CSMD3: variants seen among roughly 807,000 people sequenced by gnomAD.
CSMD3 encodes the protein CUB and Sushi multiple domains 3, also known as CUB and sushi domain-containing protein 3.
CSMD3 carries 177 observed loss-of-function variants against 435.2 expected under a neutral mutation model. The ratio of observed to expected loss-of-function variants is 0.41; its 90% CI spans 0.36 to 0.46. The LOEUF is 0.46. CSMD3 is among the 20% of genes least tolerant of loss of function. CSMD3 has a pLI of 0.34. For synonymous variants in CSMD3, 1,656 were observed against 1,520.5 expected (o/e 1.09, Z -2.07); for missense variants, 4,265 against 4,504.6 (o/e 0.95, Z 1.52).
chr8:112,488,560 C>T (rs1165614666), intron 31 of CSMD3, among the ~76,000 whole-genome samples: 2 of 152,184 alleles, frequency 1.3e-5, no homozygotes. Context: ...AAAGCAATGC[C>T]TACCAGTCAG....
chr8:113,322,867 T>G (rs759865919), intron 1 of CSMD3, among the ~76,000 whole-genome samples: 1 of 152,106 alleles, frequency 6.6e-6, no homozygotes, highest in Non-Finnish European at 1.5e-5. Flanking sequence ...TGTCTCAGCC[T>G]CCTGAGTAGC....
At chr8:113,294,556 T>C (rs143952685) in intron 2 of CSMD3, among the ~76,000 whole-genome samples, 25 of 152,274 alleles carry the variant, frequency 1.6e-4, no homozygotes, top group African/African-American at 5.8e-4. Flanking sequence ...TTTTAATGAG[T>C]GTATCCAAAT....
intron 4 of CSMD3, among the ~76,000 whole-genome samples, chr8:113,118,160 C>T (rs72685845): frequency 0.096 from 14,659 of 152,194 alleles, 911 homozygotes; most frequent in Middle Eastern, 0.17. Context: ...TACAATATCC[C>T]ATTATGTAAT....
intron 59 of CSMD3, among the ~76,000 whole-genome samples, chr8:112,279,230 A>G (rs2130559170): frequency 6.6e-6 from 1 of 152,318 alleles, no homozygotes; most frequent in Non-Finnish European, 1.5e-5. Flanking sequence ...GATATGTAGT[A>G]CTTGAAAAAT....
chr8:112,293,059 G>A (rs1819930720), intron 54 of CSMD3, among the ~76,000 whole-genome samples: 1 of 151,896 alleles, frequency 6.6e-6, no homozygotes, highest in African/African-American at 2.4e-5. Context: ...AGAAATCTGG[G>A]GAATAATTAA....
intron 13 of CSMD3, among the ~76,000 whole-genome samples, chr8:112,711,330 T>C (rs937867177): frequency 6.6e-6 from 1 of 151,964 alleles, no homozygotes; most frequent in Non-Finnish European, 1.5e-5. Flanking sequence ...GAGGCACCAT[T>C]AAACAAGCGC....
chr8:112,720,336 C>T (rs1198975030), intron 13 of CSMD3, among the ~76,000 whole-genome samples: 5 of 149,484 alleles, frequency 3.3e-5, no homozygotes, highest in African/African-American at 7.4e-5. Context: ...TTTTTTTTTC[C>T]CCTGCTTTCA....
chr8:113,316,298 CTA>C (rs904651012), intron 1 of CSMD3, among the ~76,000 whole-genome samples: 1 of 151,956 alleles, frequency 6.6e-6, no homozygotes, highest in African/African-American at 2.4e-5. Flanking sequence ...CCAAAAGCAT[CTA>C]TGTTTGGAAC....
chr8:113,215,049 A>G (rs368821549), intron 3 of CSMD3, among the ~76,000 whole-genome samples: 4 of 152,032 alleles, frequency 2.6e-5, no homozygotes, highest in African/African-American at 9.6e-5. Context: ...ATGCTATCGT[A>G]TACAGAGCCA....
At chr8:112,504,861 A>G (rs1822342732) in intron 29 of CSMD3, among the ~76,000 whole-genome samples, 1 of 152,162 alleles carries the variant, frequency 6.6e-6, no homozygotes, top group Non-Finnish European at 1.5e-5. Flanking sequence ...GGATAGATTC[A>G]TTTAGGTCAG....
chr8:112,430,532 T>C (rs1452719966), intron 32 of CSMD3, among the ~76,000 whole-genome samples: 1 of 152,020 alleles, frequency 6.6e-6, no homozygotes, highest in Non-Finnish European at 1.5e-5. Context: ...AGGAAGAAAC[T>C]GCTTTTTCAG....
intron 13 of CSMD3, among the ~76,000 whole-genome samples, chr8:112,735,813 T>A (rs925577770): frequency 1.3e-5 from 2 of 152,062 alleles, no homozygotes; most frequent in Admixed American, 6.6e-5. Flanking sequence ...ATAACACTTT[T>A]TTTTTACTGT....
intron 1 of CSMD3, among the ~76,000 whole-genome samples, chr8:113,387,408 C>T (rs1198935844): frequency 6.6e-6 from 1 of 151,684 alleles, no homozygotes; most frequent in Non-Finnish European, 1.5e-5. Flanking sequence ...TCAGCATATA[C>T]ATTAGGAAGC....
At chr8:113,069,553 C>T (rs2089010996) in intron 5 of CSMD3, among the ~76,000 whole-genome samples, 1 of 152,068 alleles carries the variant, frequency 6.6e-6, no homozygotes, top group Admixed American at 6.6e-5. Flanking sequence ...CTTACAGTGG[C>T]CCTAATGAAT....
chr8:113,156,731 C>T (rs1399617578), intron 4 of CSMD3, among the ~76,000 whole-genome samples: 1 of 79,622 alleles, frequency 1.3e-5, no homozygotes, highest in East Asian at 7.2e-4. Context: ...CAAAATCTCA[C>T]CTAAATAAAT....
In CSMD3 at chr8:112,385,641, G is replaced by C. The variant is rs145938184; in HGVS notation, c.5935-1978C>G. ...AGAGACTCAAGTGTATTGGAGGCAG[G>C]AGTAGTAAAAATGGGAACCCAGACG... On this transcript the variant is annotated intron_variant, in intron 36 of 70. Transcript: ENST00000297405. 3.0e-3 allele frequency among the ~76,000 whole-genome samples: 451 copies of C among 152,310 alleles called. 4 individuals carry two copies. Among genetic ancestry groups the C allele is most frequent in the African/African-American group, 0.01 (436 of 41,576 alleles).
intron 7 of CSMD3, among the ~76,000 whole-genome samples, chr8:112,956,804 G>A (rs969528587): frequency 1.3e-5 from 2 of 151,904 alleles, no homozygotes; most frequent in Admixed American, 6.6e-5. Flanking sequence ...GCTTCTAAAA[G>A]CACCTTAGTT....
chr8:113,234,312 T>C (rs1339300300), intron 3 of CSMD3, among the ~76,000 whole-genome samples: 5 of 152,176 alleles, frequency 3.3e-5, no homozygotes, highest in East Asian at 3.9e-4. Flanking sequence ...TTGTCTCATA[T>C]AGAATTTACT....
intron 5 of CSMD3, among the ~76,000 whole-genome samples, chr8:113,092,176 T>G (rs989520138): frequency 9.2e-5 from 14 of 152,086 alleles, no homozygotes; most frequent in African/African-American, 3.4e-4. Flanking sequence ...CCTATTAATC[T>G]TCACTTTCTT....
Sources: allele counts gnomAD v4.1 joint callset (sites outside exome capture counted in the v4.1 genomes callset), GRCh38; gene constraint gnomAD v4.1.1; transcripts MANE v1.5; gene names NCBI Gene and HGNC (gene_info 2026-07-23, HGNC 2026-07-21).